EML5: variants seen among roughly 807,000 people sequenced by gnomAD.
EML5 encodes echinoderm microtubule-associated protein-like 5.
In EML5, 120 loss-of-function variants were observed where a neutral mutation model predicts 250.0. That is an observed-to-expected ratio of 0.48 (90% CI 0.41 to 0.56). The LOEUF (loss-of-function observed/expected upper bound fraction) is 0.56, where lower values mean the gene tolerates loss of function less well. EML5 is among the 20% of genes least tolerant of loss of function. The pLI is 0.00. For synonymous variants in EML5, 771 were observed against 806.5 expected (o/e 0.96, Z 0.75); for missense variants, 2,006 against 2,437.6 (o/e 0.82, Z 3.73).
chr14:88,760,792 G>C (rs1021396511), intron 1 of EML5, among the ~76,000 whole-genome samples: 19 of 152,156 alleles, frequency 1.2e-4, no homozygotes, highest in African/African-American at 4.3e-4. Flanking sequence ...CATAAACATA[G>C]TACGCCCGCC....
chr14:88,762,561 T>C (rs2140472042), intron 1 of EML5, among the ~76,000 whole-genome samples: 1 of 152,074 alleles, frequency 6.6e-6, no homozygotes, highest in African/African-American at 2.4e-5. Flanking sequence ...CACACAGTAA[T>C]AGTGGGAGAC....
At chr14:88,687,412 G>GA in intron 18 of EML5, 85 bp from the exon 19 acceptor site, 6 of 948,278 alleles carry the variant, frequency 6.3e-6, no homozygotes, top group Admixed American at 3.2e-5. Context: ...AAAACTTCTA[G>GA]AAAAAAGAAC....
intron 35 of EML5, chr14:88,625,943 TGTGGATTGG>T (rs2089877619): frequency 6.6e-6 from 1 of 152,148 alleles, no homozygotes; most frequent in Non-Finnish European, 1.5e-5. Context: ...AGGAAAGAGA[TGTGGATTGG>T]AAGCCACAGG....
In EML5 at chr14:88,695,416, T is replaced by C. The variant is rs780676445; in HGVS notation, c.2383A>G (p.Ser795Gly). 6.2e-7 allele frequency: 1 copy of C among 1,612,792 alleles called. No homozygotes were observed. The highest frequency in any genetic ancestry group is 8.5e-7 in the Non-Finnish European group (1 of 1,179,356). The change falls in exon 16 of 44, where the codon AGC (serine) becomes GGC (glycine). Residue 795 changes from serine to glycine, a missense_variant. This residue lies in a region of EML5 where 1,375 missense variants were observed against 1,590.3 expected (regional missense o/e 0.86). Transcript: ENST00000554922. ...CAGTCCCAGAGCACAACAGTATGGC[T>C]ATCATCTATGCCAACTGATGCCAAA... ...KRLASVGIDD[S>G]HTVVLWDWKK...
chr14:88,688,495 G>C (rs1288842983), intron 17 of EML5, 22 bp from the exon 18 acceptor site: 1 of 1,609,040 alleles, frequency 6.2e-7, no homozygotes, highest in African/African-American at 1.3e-5. Context: ...AAAATATTAT[G>C]AAAGTACCAC....
intron 25 of EML5, among the ~76,000 whole-genome samples, chr14:88,659,080 G>A (rs186911241): frequency 5.5e-4 from 83 of 152,150 alleles, no homozygotes; most frequent in African/African-American, 2.0e-3. Flanking sequence ...TTAAGTTATT[G>A]TTATTATGGT....
intron 1 of EML5, among the ~76,000 whole-genome samples, chr14:88,782,090 G>A (rs2094503082): frequency 6.6e-6 from 1 of 152,228 alleles, no homozygotes; most frequent in Admixed American, 6.5e-5. Flanking sequence ...TAAGTTCCTA[G>A]AGACTTGTTG....
intron 31 of EML5, among the ~76,000 whole-genome samples, chr14:88,641,673 T>C (rs1309777024): frequency 6.6e-6 from 1 of 152,068 alleles, no homozygotes; most frequent in Non-Finnish European, 1.5e-5. Context: ...GGAACACACC[T>C]CAAAATAATG....
At chr14:88,758,489 C>A (rs1054786587) in intron 1 of EML5, among the ~76,000 whole-genome samples, 4 of 152,182 alleles carry the variant, frequency 2.6e-5, no homozygotes, top group Non-Finnish European at 5.9e-5. Context: ...GCCACCGCGC[C>A]TGGCCCACTT....
chr14:88,710,407 T>C (rs934926188), intron 10 of EML5, among the ~76,000 whole-genome samples: 2 of 152,188 alleles, frequency 1.3e-5, no homozygotes, highest in Non-Finnish European at 2.9e-5. Context: ...ACCTAATGAA[T>C]ATTACCTGAG....
rs2087282636 is a variant in EML5 at position 88,614,396 on chromosome 14, A to ATCACTGGT, written c.*1414_*1421dup. The ATCACTGGT allele has an allele frequency of 6.6e-6, 1 of 152,160 alleles. No individual in the cohort carries two copies. The highest frequency in any genetic ancestry group is 1.5e-5 in the Non-Finnish European group (1 of 68,026). The allele number at this position is 152,160 out of a possible 1,614,324, so 9.4% of individuals were successfully genotyped here. ...TAGAGCTTTAAAACTACCAGGTTCA[A>ATCACTGGT]TCACTGGTTATGCTTTCTGTGATGT... On this transcript the variant is annotated 3_prime_UTR_variant, in exon 44 of 44. Transcript: ENST00000554922.
At chr14:88,642,600 G>A (rs1055677638) in intron 31 of EML5, among the ~76,000 whole-genome samples, 3 of 151,940 alleles carry the variant, frequency 2.0e-5, no homozygotes, top group South Asian at 2.1e-4. Flanking sequence ...AGTTACAAAC[G>A]GTTTCAACAT....
intron 7 of EML5, among the ~76,000 whole-genome samples, chr14:88,730,947 ACT>A (rs1056339383): frequency 1.1e-4 from 17 of 151,514 alleles, no homozygotes; most frequent in Admixed American, 3.3e-4. Flanking sequence ...AAAAAATAAG[ACT>A]CTCTCGTTTT....
At chr14:88,745,881 T>C (rs1368874408) in intron 3 of EML5, among the ~76,000 whole-genome samples, 2 of 152,146 alleles carry the variant, frequency 1.3e-5, no homozygotes, top group African/African-American at 4.8e-5. Flanking sequence ...GGCACGTGTA[T>C]ACCTATGTAA....
intron 1 of EML5, among the ~76,000 whole-genome samples, chr14:88,771,462 G>A (rs1327688823): frequency 6.6e-6 from 1 of 152,024 alleles, no homozygotes; most frequent in Non-Finnish European, 1.5e-5. Flanking sequence ...TATGCTTTCT[G>A]GAATTATTGC....
chr14:88,696,860 G>T lies in EML5; in HGVS notation c.2331C>A (p.Ala777=). The T allele has an allele frequency of 6.2e-7, 1 of 1,602,030 alleles. No homozygotes were observed. The highest frequency in any genetic ancestry group is 8.5e-7 in the Non-Finnish European group (1 of 1,174,336). ...LKGHHQYGVS[A]VDFSADGKRL... ...AAACAGCCTTACCTGAGAAATCAAC[G>T]GCACTAACACCATACTGGTGGTGGC... Residue 777 remains alanine (A), a synonymous_variant, in exon 15 of 44, where the codon GCC becomes GCA. Transcript: ENST00000554922.
intron 10 of EML5, 63 bp from the exon 11 acceptor site, chr14:88,706,489 AT>A: frequency 8.3e-7 from 1 of 1,201,882 alleles, no homozygotes; most frequent in Non-Finnish European, 1.1e-6. Flanking sequence ...ATTTCAAACA[AT>A]TTTTATATAT....
rs528387099 is a variant in EML5, at chr14:88,629,994, T to A, written c.4358-2175A>T. ...AAAGGATATTCTTTATCCCCTAGTT[T>A]GCCTTTGATGCAGTATAATAAAAAC... On this transcript the variant is annotated intron_variant, in intron 33 of 43. Coordinates refer to ENST00000554922, the MANE Select transcript of EML5 (RefSeq NM_183387.3). 5.9e-5 allele frequency among the ~76,000 whole-genome samples: 9 copies of A among 152,086 alleles called. No individual in the cohort carries two copies. In the South Asian group the frequency reaches 1.0e-3, roughly 18 times the overall value.
chr14:88,673,911 T>C (rs1045909348), intron 21 of EML5, among the ~76,000 whole-genome samples: 1 of 152,122 alleles, frequency 6.6e-6, no homozygotes, highest in South Asian at 2.1e-4. Flanking sequence ...TGCTCATACA[T>C]AGGAAGAATA....
Sources: gnomAD v4.1 joint callset for allele counts (sites outside exome capture counted in the v4.1 genomes callset) on GRCh38, gnomAD v4.1.1 for gene constraint, gnomAD v4.1.1 regional missense constraint, MANE v1.5 for transcripts, NCBI Gene and HGNC (gene_info 2026-07-23, HGNC 2026-07-21) for gene names.